POU2F1: variants seen among roughly 807,000 people sequenced by gnomAD.
The protein encoded by POU2F1 is POU class 2 homeobox 1, also known as POU domain, class 2, transcription factor 1.
POU2F1 carries 16 observed loss-of-function variants against 84.9 expected under a neutral mutation model. The observed-to-expected ratio is 0.19, with a 90% CI of 0.13 to 0.29. The LOEUF (loss-of-function observed/expected upper bound fraction) is 0.29, where lower values mean the gene tolerates loss of function less well. Ranked by LOEUF, POU2F1 falls within the 10% of genes least tolerant of loss-of-function variation. The pLI, the probability that POU2F1 is intolerant of heterozygous loss-of-function variation, is 1.00. For missense variants in POU2F1, 738 were observed against 942.6 expected (o/e 0.78, Z 2.84); for synonymous variants, 368 against 368.3 (o/e 1.00, Z 0.01).
chr1:167,313,824 G>A (rs1173302508), intron 1 of POU2F1, among the ~76,000 whole-genome samples: 1 of 152,176 alleles, frequency 6.6e-6, no homozygotes, highest in Admixed American at 6.5e-5. Flanking sequence ...GAAAATATTT[G>A]CAAAGAACAT....
chr1:167,244,353 G>T (rs2102382698), intron 1 of POU2F1, among the ~76,000 whole-genome samples: 1 of 152,178 alleles, frequency 6.6e-6, no homozygotes, highest in South Asian at 2.1e-4. Flanking sequence ...TTGTTGACTG[G>T]ACTCAGTTCC....
chr1:167,411,416 T>TA (rs1453714943), intron 13 of POU2F1, among the ~76,000 whole-genome samples: 1 of 152,094 alleles, frequency 6.6e-6, no homozygotes, highest in Non-Finnish European at 1.5e-5. Context: ...TTTTTTTTTT[T>TA]ACCACAATGG....
At chr1:167,414,684 A>T in intron 15 of POU2F1, 1 of 985,376 alleles carries the variant, frequency 1.0e-6, no homozygotes, top group African/African-American at 1.7e-5. Context: ...TCCTAGACTT[A>T]GATCACCCAC....
chr1:167,295,586 C>T (rs1162400007), intron 1 of POU2F1, among the ~76,000 whole-genome samples: 1 of 152,186 alleles, frequency 6.6e-6, no homozygotes, highest in Non-Finnish European at 1.5e-5. Flanking sequence ...ATTCAGATGA[C>T]AGGTGCATTA....
At chr1:167,379,547 C>T (rs540437533) in intron 7 of POU2F1, 1 of 152,156 alleles carries the variant, frequency 6.6e-6, no homozygotes, top group Non-Finnish European at 1.5e-5. Context: ...GTGAAACCAA[C>T]CTTTTAGGTG....
Position 167,425,058 on chromosome 1 carries a change from T to A in POU2F1, c.*9248T>A, listed in dbSNP as rs1650875648. ...TATTTAAGTTTATTATTATTATTAT[T>A]ATTATTTGACAATCTTATATCCAAT... On this transcript the variant is annotated 3_prime_UTR_variant, in exon 16 of 16. Transcript: ENST00000367866. The A allele has an allele frequency of 6.6e-6, 1 of 152,038 alleles. No homozygotes were observed. The highest frequency in any genetic ancestry group is 2.4e-5 in the African/African-American group (1 of 41,392). 9.4% of individuals were successfully genotyped at this position (152,038 alleles called of 1,614,324 possible). A position where few individuals can be genotyped will look rare whatever the true frequency, so the allele number is the denominator to read the frequency against.
chr1:167,281,663 T>G (rs193140183), intron 1 of POU2F1, among the ~76,000 whole-genome samples: 172 of 152,348 alleles, frequency 1.1e-3, no homozygotes, highest in African/African-American at 3.8e-3. Flanking sequence ...ACTCGGTGAT[T>G]GGCGTAGGTG....
At chr1:167,378,075 G>A (rs60174085) in intron 7 of POU2F1, among the ~76,000 whole-genome samples, 9,312 of 152,216 alleles carry the variant, frequency 0.061, 904 homozygotes, top group African/African-American at 0.21. Context: ...CCCAATAATG[G>A]GATTGCTGTA....
At chr1:167,381,600 T>C (rs1647551989) in intron 7 of POU2F1, among the ~76,000 whole-genome samples, 2 of 131,138 alleles carry the variant, frequency 1.5e-5, no homozygotes, top group African/African-American at 5.5e-5. Flanking sequence ...TGTGCTCTCT[T>C]CTCTTTTTTT....
intron 1 of POU2F1, among the ~76,000 whole-genome samples, chr1:167,281,363 G>A (rs1384193111): frequency 6.6e-6 from 1 of 152,186 alleles, no homozygotes; most frequent in Non-Finnish European, 1.5e-5. Context: ...AGTCTGTTAA[G>A]GAGTATTTGA....
rs1354698217 is a variant in POU2F1 at position 167,425,126 on chromosome 1, TTGAA to T, written c.*9319_*9322del. On this transcript the variant is annotated 3_prime_UTR_variant, in exon 16 of 16. Transcript: ENST00000367866. ...CATCCCCAGCCCTTTCACCTTTTCT[TTGAA>T]TGTAGTTCCCAACCTTCAATTCCCA... The T allele has an allele frequency of 6.6e-6, 1 of 152,136 alleles. No individual in the cohort carries two copies. Among genetic ancestry groups the T allele is most frequent in the Non-Finnish European group, 1.5e-5 (1 of 68,018 alleles). 9.4% of individuals were successfully genotyped at this position (152,136 alleles called of 1,614,324 possible). A position where few individuals can be genotyped will look rare whatever the true frequency, so the allele number is the denominator to read the frequency against.
intron 1 of POU2F1, among the ~76,000 whole-genome samples, chr1:167,280,883 G>C (rs1303635047): frequency 2.0e-5 from 3 of 152,138 alleles, no homozygotes; most frequent in Non-Finnish European, 4.4e-5. Context: ...ATGCTGTATT[G>C]TATCAATAAA....
rs1333437441 is a variant in POU2F1 at position 167,423,683 on chromosome 1, G to C, written c.*7873G>C. ...TTTAAACCCAGGACACTGTCAAAAA[G>C]TTAAGACCCCAAAACTAATTTACTG... On this transcript the variant is annotated 3_prime_UTR_variant, in exon 16 of 16. Transcript: ENST00000367866. 6.6e-6 allele frequency: 1 copy of C among 152,198 alleles called. No individual in the cohort carries two copies. The highest frequency in any genetic ancestry group is 1.5e-5 in the Non-Finnish European group (1 of 68,032). The allele number at this position is 152,198 out of a possible 1,614,324, so 9.4% of individuals were successfully genotyped here.
At chr1:167,352,652 A>T (rs936347066) in intron 2 of POU2F1, among the ~76,000 whole-genome samples, 2 of 152,232 alleles carry the variant, frequency 1.3e-5, no homozygotes, top group Admixed American at 1.3e-4. Context: ...TTGTAAAACA[A>T]GGAGCTTGAT....
At chr1:167,343,152 CAG>C (rs1298587140) in intron 2 of POU2F1, among the ~76,000 whole-genome samples, 1 of 151,714 alleles carries the variant, frequency 6.6e-6, no homozygotes, top group Non-Finnish European at 1.5e-5. Context: ...AACTTTAGGT[CAG>C]GGGTGGGGGT....
intron 2 of POU2F1, chr1:167,338,026 T>C: frequency 2.4e-6 from 1 of 415,042 alleles, no homozygotes; most frequent in Non-Finnish European, 4.8e-6. Flanking sequence ...GAAGAAGGAT[T>C]GGTAGCATAT....
intron 1 of POU2F1, among the ~76,000 whole-genome samples, chr1:167,305,516 A>T (rs915620075): frequency 8.5e-5 from 13 of 152,166 alleles, no homozygotes; most frequent in African/African-American, 3.1e-4. Context: ...GATATTTAAA[A>T]TACCTCTTTT....
intron 2 of POU2F1, among the ~76,000 whole-genome samples, chr1:167,353,400 G>A (rs1382569834): frequency 4.3e-5 from 6 of 140,090 alleles, no homozygotes; most frequent in Admixed American, 1.5e-4. Context: ...TACCCCCACC[G>A]CCTCCATTAT....
At chr1:167,326,912 A>T (rs1656744896) in intron 1 of POU2F1, among the ~76,000 whole-genome samples, 1 of 152,250 alleles carries the variant, frequency 6.6e-6, no homozygotes, top group Non-Finnish European at 1.5e-5. Flanking sequence ...GGTAAGTTGC[A>T]GAAATATCCC....
Sources: allele counts gnomAD v4.1 joint callset (sites outside exome capture counted in the v4.1 genomes callset), GRCh38; gene constraint gnomAD v4.1.1; transcripts MANE v1.5; gene names NCBI Gene and HGNC (gene_info 2026-07-23, HGNC 2026-07-21).